Variants in KAZN observed in about 807,000 individuals in gnomAD.
The protein encoded by KAZN is kazrin.
Under a neutral mutation model 87.4 loss-of-function variants are expected in KAZN, and 40 were observed. That is an observed-to-expected ratio of 0.46 (90% confidence interval 0.36 to 0.60). The LOEUF (loss-of-function observed/expected upper bound fraction) is 0.60. Among genes scored for constraint, KAZN ranks in the 20% least tolerant of loss-of-function variants. KAZN has a pLI of 0.00. For missense variants in KAZN, 898 were observed against 1,073.9 expected, an observed-to-expected ratio of 0.84 and a Z score of 2.29; for synonymous variants, 466 against 458.3, an observed-to-expected ratio of 1.02 and a Z score of -0.22.
At chr1:14,892,912 T>C (rs1483107489) in intron 1 of KAZN, among the ~76,000 whole-genome samples, 5 of 152,190 alleles carry the variant, frequency 3.3e-5, no homozygotes, top group African/African-American at 1.2e-4. Context: ...CCTAAGATTA[T>C]TCCTCATTCA....
intron 1 of KAZN, among the ~76,000 whole-genome samples, chr1:14,032,312 G>A (rs2206587): frequency 0.93 from 141,466 of 152,290 alleles, 65,783 homozygotes; most frequent in Admixed American, 0.96. Context: ...AGCATTCCTT[G>A]TTATCTTCAA....
chr1:14,807,432 G>A (rs1456963480), intron 1 of KAZN, among the ~76,000 whole-genome samples: 1 of 152,242 alleles, frequency 6.6e-6, no homozygotes. Context: ...AACTGACTCT[G>A]GTCAACATGA....
At chr1:14,460,286 A>G (rs1233163176) in intron 2 of KAZN, among the ~76,000 whole-genome samples, 1 of 152,200 alleles carries the variant, frequency 6.6e-6, no homozygotes, top group Admixed American at 6.5e-5. Flanking sequence ...GGGCATCCCC[A>G]CCAAGCTGCC....
chr1:15,098,496 C>CT (rs1291309286), intron 10 of KAZN, among the ~76,000 whole-genome samples: 7 of 152,254 alleles, frequency 4.6e-5, no homozygotes. Context: ...CTTTGCAGCT[C>CT]TCCACCCCAA....
At position 14,960,828 on chromosome 1, in the gene KAZN, T is replaced by C; in HGVS notation, c.371T>C (p.Leu124Pro). 6.2e-7 allele frequency: 1 copy of C among 1,613,010 alleles called. No individual in the cohort carries two copies. The highest frequency in any genetic ancestry group is 2.2e-5 in the East Asian group (1 of 44,866). Residue 124 changes from leucine to proline, a missense_variant, in exon 2 of 15, where the codon CTG becomes CCG. This residue lies in a region of KAZN where 250 missense variants were observed against 263.0 expected (regional missense o/e 0.95). Transcript: ENST00000376030. ...TCGGCCACCGAGCTCAGGGTCCAGCTGGCCCAGAAGGAGCAGGAGCTAGCC... is the reference window on the plus strand; with the variant it reads ...TCGGCCACCGAGCTCAGGGTCCAGCCGGCCCAGAAGGAGCAGGAGCTAGCC... ...VLSATELRVQ[L>P]AQKEQELARA...
At chr1:14,377,534 C>T (rs997812375) in intron 2 of KAZN, among the ~76,000 whole-genome samples, 1 of 152,224 alleles carries the variant, frequency 6.6e-6, no homozygotes, top group African/African-American at 2.4e-5. Context: ...TCCTCATACT[C>T]TATTTTTCAC....
intron 2 of KAZN, among the ~76,000 whole-genome samples, chr1:14,518,985 C>T (rs1671438199): frequency 2.0e-5 from 3 of 152,046 alleles, no homozygotes; most frequent in Admixed American, 2.0e-4. Flanking sequence ...GCTCTAGGGA[C>T]CCTGAATAAT....
intron 2 of KAZN, among the ~76,000 whole-genome samples, chr1:14,496,850 A>G (rs1669969445): frequency 6.6e-6 from 1 of 152,174 alleles, no homozygotes; most frequent in Admixed American, 6.5e-5. Context: ...AAAAAAAGAA[A>G]AAAAAAAAGC....
At chr1:15,019,806 C>G (rs905262323) in intron 2 of KAZN, among the ~76,000 whole-genome samples, 1 of 152,184 alleles carries the variant, frequency 6.6e-6, no homozygotes, top group African/African-American at 2.4e-5. Context: ...AGGAATCACT[C>G]AATAAATGCT....
intron 1 of KAZN, among the ~76,000 whole-genome samples, chr1:13,989,789 A>G (rs1639195113): frequency 6.6e-6 from 1 of 152,174 alleles, no homozygotes; most frequent in African/African-American, 2.4e-5. Flanking sequence ...CTCATCTTTG[A>G]TCCCGTGGAG....
chr1:13,934,895 A>G (rs1180876141), intron 1 of KAZN, among the ~76,000 whole-genome samples: 1 of 152,176 alleles, frequency 6.6e-6, no homozygotes, highest in Non-Finnish European at 1.5e-5. Context: ...GTGCAGGTTC[A>G]ATGAGAGTTT....
chr1:14,020,499 T>G (rs1570543805), intron 1 of KAZN, among the ~76,000 whole-genome samples: 1 of 152,192 alleles, frequency 6.6e-6, no homozygotes, highest in Non-Finnish European at 1.5e-5. Context: ...CTTCACAATA[T>G]GATTGAGGAA....
intron 1 of KAZN, among the ~76,000 whole-genome samples, chr1:14,100,262 C>G (rs557950853): frequency 5.3e-5 from 8 of 152,272 alleles, no homozygotes; most frequent in Non-Finnish European, 1.2e-4. Context: ...TGCCAGGAAT[C>G]TGAGGCATAC....
chr1:14,820,042 C>T lies in KAZN; in HGVS notation c.227-140642C>T, dbSNP rs1214242075. 6.6e-6 allele frequency among the ~76,000 whole-genome samples: 1 copy of T among 152,120 alleles called. No individual in the cohort carries two copies. Among genetic ancestry groups the T allele is most frequent in the African/African-American group, 2.4e-5 (1 of 41,404 alleles). On this transcript the variant is annotated intron_variant, in intron 1 of 14. Coordinates refer to ENST00000376030, the MANE Select transcript of KAZN (RefSeq NM_201628.3). This position sits in a 1 kb window ranked among gnomAD's most constrained non-coding sequence, Gnocchi z 4.1. ...AATCTATTTATATATATATAGTCCA[C>T]CCTCACCTCTATCTAATCTAGTGGT...
intron 2 of KAZN, among the ~76,000 whole-genome samples, chr1:14,355,075 T>C (rs1276774210): frequency 1.3e-5 from 2 of 152,122 alleles, no homozygotes; most frequent in East Asian, 1.9e-4. Context: ...AACATGCTGA[T>C]GAAAAAGCCC....
chr1:14,758,141 T>TCCTTCCTC (rs1644625354), intron 1 of KAZN, among the ~76,000 whole-genome samples: 6 of 149,840 alleles, frequency 4.0e-5, no homozygotes, highest in African/African-American at 1.2e-4. Context: ...TTTCCTTCCC[T>TCCTTCCTC]CCTTCCTCCC....
At chr1:14,657,396 TA>T in intron 1 of KAZN, among the ~76,000 whole-genome samples, 1 of 152,284 alleles carries the variant, frequency 6.6e-6, no homozygotes, top group Non-Finnish European at 1.5e-5. Flanking sequence ...AGAGGCTTCT[TA>T]AAATGCAGAT....
intron 1 of KAZN, among the ~76,000 whole-genome samples, chr1:14,619,450 C>T (rs1678520802): frequency 6.6e-6 from 1 of 152,146 alleles, no homozygotes; most frequent in Admixed American, 6.5e-5. Context: ...ATCCTCCCAC[C>T]TCAGCCCCCA....
chr1:14,061,136 G>A (rs369147387), intron 1 of KAZN, among the ~76,000 whole-genome samples: 54 of 152,300 alleles, frequency 3.5e-4, no homozygotes, highest in Middle Eastern at 3.4e-3. Flanking sequence ...GCAAACGGGG[G>A]AGTATTCACA....
Sources: gnomAD v4.1 joint callset for allele counts (sites outside exome capture counted in the v4.1 genomes callset) on GRCh38, gnomAD v4.1.1 for gene constraint, gnomAD v4.1.1 regional missense constraint, Gnocchi (gnomAD v3.1) non-coding constraint, MANE v1.5 for transcripts, NCBI Gene and HGNC (gene_info 2026-07-23, HGNC 2026-07-21) for gene names.